The following ZFHX4 variants were observed in gnomAD, a reference collection of about 807,000 sequenced individuals.
ZFHX4 encodes the protein zinc finger homeobox protein 4.
Under a neutral mutation model 267.6 loss-of-function variants are expected in ZFHX4, and 56 were observed. The ratio of observed to expected loss-of-function variants is 0.21; its 90% CI spans 0.17 to 0.26. The LOEUF (loss-of-function observed/expected upper bound fraction) is 0.26. Among genes scored for constraint, ZFHX4 ranks in the 10% least tolerant of loss-of-function variants. ZFHX4 has a pLI of 1.00. For synonymous variants in ZFHX4, 1,778 were observed against 1,665.6 expected (o/e 1.07, Z -1.64); for missense variants, 4,332 against 4,420.0 (o/e 0.98, Z 0.56).
At chr8:76,833,619 A>C (rs1033394219) in intron 5 of ZFHX4, 59 of 463,898 alleles carry the variant, frequency 1.3e-4, no homozygotes, top group South Asian at 6.7e-4. Flanking sequence ...TTTTAGGTTC[A>C]CAGCAAATTT....
At chr8:76,721,378 A>G (rs534543544) in intron 3 of ZFHX4, among the ~76,000 whole-genome samples, 1 of 152,300 alleles carries the variant, frequency 6.6e-6, no homozygotes, top group Admixed American at 6.5e-5. Flanking sequence ...ATGTTCTAGT[A>G]ATACAGAGAG....
intron 3 of ZFHX4, among the ~76,000 whole-genome samples, chr8:76,759,814 A>C (rs913549814): frequency 1.3e-5 from 2 of 152,202 alleles, no homozygotes; most frequent in Non-Finnish European, 2.9e-5. Flanking sequence ...TTTATACATC[A>C]TATCCTTGGT....
At chr8:76,809,695 G>T (rs995226555) in intron 4 of ZFHX4, among the ~76,000 whole-genome samples, 3 of 152,048 alleles carry the variant, frequency 2.0e-5, no homozygotes, top group African/African-American at 7.2e-5. Context: ...GAAGGTGCTA[G>T]GCTTTGTTTT....
intron 4 of ZFHX4, among the ~76,000 whole-genome samples, chr8:76,798,231 T>C (rs1811032941): frequency 6.6e-6 from 1 of 152,154 alleles, no homozygotes; most frequent in African/African-American, 2.4e-5. Context: ...ATGATTTTCC[T>C]TTTTTCTCTT....
intron 3 of ZFHX4, among the ~76,000 whole-genome samples, chr8:76,726,411 T>C (rs1342328931): frequency 6.6e-6 from 1 of 152,152 alleles, no homozygotes; most frequent in East Asian, 1.9e-4. Flanking sequence ...CAAATCATAA[T>C]GGACACATGA....
At chr8:76,782,522 T>A (rs1022064990) in intron 4 of ZFHX4, among the ~76,000 whole-genome samples, 1 of 152,152 alleles carries the variant, frequency 6.6e-6, no homozygotes, top group East Asian at 1.9e-4. Context: ...ATTCATTTTT[T>A]CTTAATTCAG....
At chr8:76,727,674 T>A (rs1808888948) in intron 3 of ZFHX4, among the ~76,000 whole-genome samples, 3 of 152,202 alleles carry the variant, frequency 2.0e-5, no homozygotes, top group Non-Finnish European at 2.9e-5. Context: ...AATTCAGTTT[T>A]TTAAAAATCT....
At chr8:76,790,284 G>C (rs912895746) in intron 4 of ZFHX4, among the ~76,000 whole-genome samples, 3 of 152,062 alleles carry the variant, frequency 2.0e-5, no homozygotes, top group African/African-American at 7.2e-5. Context: ...GCCAAATTGA[G>C]GGGGAAATTA....
intron 3 of ZFHX4, among the ~76,000 whole-genome samples, chr8:76,709,664 T>C (rs1808371070): frequency 6.6e-6 from 1 of 152,170 alleles, no homozygotes; most frequent in African/African-American, 2.4e-5. Context: ...GATATAAATG[T>C]ATAAATTTTC....
At chr8:76,685,337 A>G (rs1192887039) in intron 1 of ZFHX4, among the ~76,000 whole-genome samples, 3 of 152,140 alleles carry the variant, frequency 2.0e-5, no homozygotes, top group Non-Finnish European at 2.9e-5. Flanking sequence ...TTCTACCTCA[A>G]TAAGTCTCAA....
At chr8:76,755,297 G>A (rs1809733270) in intron 3 of ZFHX4, among the ~76,000 whole-genome samples, 1 of 151,882 alleles carries the variant, frequency 6.6e-6, no homozygotes, top group Admixed American at 6.6e-5. Context: ...TTAATTTAGG[G>A]GATCTTTTCA....
intron 3 of ZFHX4, among the ~76,000 whole-genome samples, chr8:76,740,361 G>C (rs1293037763): frequency 6.6e-6 from 1 of 151,994 alleles, no homozygotes; most frequent in African/African-American, 2.4e-5. Context: ...TCAGGAAGGA[G>C]GGAGGGAAAG....
intron 3 of ZFHX4, among the ~76,000 whole-genome samples, chr8:76,732,395 T>C (rs567722571): frequency 3.3e-5 from 5 of 152,166 alleles, no homozygotes; most frequent in African/African-American, 1.2e-4. Flanking sequence ...TAAAGGAGTA[T>C]AGTTGTTAAA....
intron 4 of ZFHX4, among the ~76,000 whole-genome samples, chr8:76,823,528 T>G (rs1246248155): frequency 6.6e-6 from 1 of 152,252 alleles, no homozygotes; most frequent in Non-Finnish European, 1.5e-5. Flanking sequence ...CTATGAATAC[T>G]TTCACTAACT....
intron 4 of ZFHX4, among the ~76,000 whole-genome samples, chr8:76,799,505 G>C (rs1221523393): frequency 6.6e-6 from 1 of 152,094 alleles, no homozygotes; most frequent in Non-Finnish European, 1.5e-5. Flanking sequence ...CAGACCTATT[G>C]ATGGAGATCA....
intron 3 of ZFHX4, among the ~76,000 whole-genome samples, chr8:76,737,677 T>C (rs1809201951): frequency 6.6e-6 from 1 of 152,226 alleles, no homozygotes; most frequent in Non-Finnish European, 1.5e-5. Context: ...GATAATGTTA[T>C]CTGCTTTGCA....
chr8:76,682,864 C>G (rs1807579139), intron 1 of ZFHX4, among the ~76,000 whole-genome samples: 1 of 152,074 alleles, frequency 6.6e-6, no homozygotes, highest in Non-Finnish European at 1.5e-5. Flanking sequence ...TGCGCCGGGT[C>G]TCTCCTTCCT....
chr8:76,831,259 T>TAC (rs1811925175), intron 4 of ZFHX4, among the ~76,000 whole-genome samples: 1 of 152,210 alleles, frequency 6.6e-6, no homozygotes, highest in Admixed American at 6.5e-5. Flanking sequence ...GTCACCTAGG[T>TAC]ACTACTGACA....
At chr8:76,849,472 C>T in intron 7 of ZFHX4, 40 bp from the exon 8 acceptor site, 2 of 1,537,824 alleles carry the variant, frequency 1.3e-6, no homozygotes, top group Non-Finnish European at 9.0e-7. Context: ...ATAAGAAATG[C>T]ATTAACTAAT....
Sources: allele counts gnomAD v4.1 joint callset (sites outside exome capture counted in the v4.1 genomes callset), GRCh38; gene constraint gnomAD v4.1.1; transcripts MANE v1.5; gene names NCBI Gene and HGNC (gene_info 2026-07-23, HGNC 2026-07-21).